Variants in MEI4 observed in about 807,000 individuals in gnomAD.
MEI4 encodes meiotic double-stranded break formation protein 4, also known as meiosis-specific protein MEI4.
In MEI4, 27 loss-of-function variants were observed where a neutral mutation model predicts 31.4. That is an observed-to-expected ratio of 0.86 (90% CI 0.63 to 1.19). The LOEUF (loss-of-function observed/expected upper bound fraction) is 1.19, where lower values mean the gene tolerates loss of function less well. Among genes scored for constraint, MEI4 ranks in the 50% most tolerant of loss-of-function variants. The probability of loss-of-function intolerance (pLI) is 0.00; values close to 1 mark genes in which losing one functional copy is unlikely to be tolerated. For missense variants in MEI4, 329 were observed against 398.9 expected (o/e 0.82, Z 1.49); for synonymous variants, 122 against 145.4 (o/e 0.84, Z 1.16).
chr6:77,907,616 A>G (rs1195344654), intron 4 of MEI4, among the ~76,000 whole-genome samples: 5 of 152,248 alleles, frequency 3.3e-5, no homozygotes, highest in Admixed American at 6.5e-5. Flanking sequence ...ATGTGTCCTT[A>G]TAGCAGCATG....
rs1379992463 is a variant in MEI4, at chr6:77,734,738, T to G, written c.233-26392T>G. On this transcript the variant is annotated intron_variant, in intron 2 of 4. Coordinates refer to ENST00000684080, the MANE Select transcript of MEI4 (RefSeq NM_001322247.2). ...CAGTTTCTTCCTAGTCTCGATGGTC[T>G]TTACCTTTTGGCATGATTTTGCAGT... 2.0e-5 allele frequency among the ~76,000 whole-genome samples: 3 copies of G among 152,106 alleles called. No individual in the cohort carries two copies. The East Asian group carries it at 5.8e-4, about 29-fold the overall frequency.
chr6:77,868,868 G>A (rs1214528815), intron 4 of MEI4, among the ~76,000 whole-genome samples: 1 of 151,994 alleles, frequency 6.6e-6, no homozygotes, highest in Non-Finnish European at 1.5e-5. Flanking sequence ...GTGCCCAAGT[G>A]CAGCACAGCC....
At chr6:77,876,974 C>T (rs1446349843) in intron 4 of MEI4, among the ~76,000 whole-genome samples, 1 of 152,008 alleles carries the variant, frequency 6.6e-6, no homozygotes, top group East Asian at 1.9e-4. Flanking sequence ...TAGGTTCATG[C>T]CCATTAATAC....
At chr6:77,880,350 C>A (rs957399790) in intron 4 of MEI4, among the ~76,000 whole-genome samples, 1 of 151,988 alleles carries the variant, frequency 6.6e-6, no homozygotes, top group Non-Finnish European at 1.5e-5. Context: ...CCTGCCTCAG[C>A]CTCCTGCGTA....
At chr6:77,745,692 T>G (rs1248039545) in intron 2 of MEI4, among the ~76,000 whole-genome samples, 2 of 152,058 alleles carry the variant, frequency 1.3e-5, no homozygotes, top group African/African-American at 4.8e-5. Flanking sequence ...ACACCACACC[T>G]ATTCCAAAAT....
intron 2 of MEI4, among the ~76,000 whole-genome samples, chr6:77,746,531 A>G (rs1179692596): frequency 1.3e-5 from 2 of 152,110 alleles, no homozygotes; most frequent in East Asian, 1.9e-4. Flanking sequence ...TTGGACTACA[A>G]CTTACAGTAT....
chr6:77,854,349 C>A (rs1200216472), intron 4 of MEI4, among the ~76,000 whole-genome samples: 1 of 150,352 alleles, frequency 6.7e-6, no homozygotes, highest in African/African-American at 2.4e-5. Context: ...AAACCAAAAC[C>A]TGAAGTGAAT....
chr6:77,700,448 G>A (rs1021825197), intron 2 of MEI4, among the ~76,000 whole-genome samples: 2 of 152,162 alleles, frequency 1.3e-5, no homozygotes, highest in African/African-American at 4.8e-5. Flanking sequence ...TTGGAAAAGC[G>A]CAGTATTTGG....
rs565103465 is a variant in MEI4, at chr6:77,878,619, A to G, written c.901-44470A>G. Among the ~76,000 whole-genome samples, 24 of 146,844 alleles carry G rather than the reference A, an allele frequency of 1.6e-4. No homozygotes were observed. The South Asian group carries it at 3.0e-3, about 19-fold the overall frequency. On this transcript the variant is annotated intron_variant, in intron 4 of 4. Coordinates refer to ENST00000684080, the MANE Select transcript of MEI4 (RefSeq NM_001322247.2). Reference sequence around the variant, plus strand: ...TGTTTTCATTTCAAATGACCTGTAGATATTTGTTCAGAGGTTTGCTGTTGT... The same window carrying G: ...TGTTTTCATTTCAAATGACCTGTAGGTATTTGTTCAGAGGTTTGCTGTTGT...
Position 77,666,685 on chromosome 6 carries a change from G to A in MEI4, c.-15+13593G>A, listed in dbSNP as rs73457415. ...GTCAAGTTCTCCTGCTCTTCTAGCC[G>A]TTATGTTAGTCTTGCTTCTTTACGA... is the stretch of plus-strand genomic sequence containing the variant. On this transcript the variant is annotated intron_variant, in intron 1 of 4. Transcript: ENST00000684080. Among the ~76,000 whole-genome samples, 931 of 152,232 alleles carry A rather than the reference G, an allele frequency of 6.1e-3. 11 individuals are homozygous for A. The highest frequency in any genetic ancestry group is 0.021 in the African/African-American group (884 of 41,524).
chr6:77,757,055 T>C (rs969660660), intron 2 of MEI4, among the ~76,000 whole-genome samples: 1 of 152,184 alleles, frequency 6.6e-6, no homozygotes, highest in African/African-American at 2.4e-5. Context: ...TGATTGGACT[T>C]GGAATGTAAT....
intron 4 of MEI4, among the ~76,000 whole-genome samples, chr6:77,855,373 A>G (rs906502931): frequency 6.6e-6 from 1 of 152,162 alleles, no homozygotes; most frequent in African/African-American, 2.4e-5. Flanking sequence ...ACTGCATTTA[A>G]ACATTACAAA....
At chr6:77,869,705 C>T (rs1771147072) in intron 4 of MEI4, among the ~76,000 whole-genome samples, 1 of 152,044 alleles carries the variant, frequency 6.6e-6, no homozygotes, top group African/African-American at 2.4e-5. Context: ...TAGGATGGAC[C>T]TCTCTGTTGG....
At position 77,824,610 on chromosome 6, in the gene MEI4, TTA is replaced by T. The variant is rs143331472; in HGVS notation, c.769-4319_769-4318del. ...CTTGCTGTTTTATCCTGTAAGTTCT[TTA>T]TGTTTTACTTTATAAGCACCAAATA... On this transcript the variant is annotated intron_variant, in intron 3 of 4. Coordinates refer to ENST00000684080, the MANE Select transcript of MEI4 (RefSeq NM_001322247.2). Among the ~76,000 whole-genome samples the T allele has an allele frequency of 7.8e-3, 1,188 of 151,608 alleles. 18 individuals carry two copies. Among genetic ancestry groups the T allele is most frequent in the African/African-American group, 0.028 (1,136 of 41,282 alleles).
At chr6:77,803,963 G>C (rs147841154) in intron 3 of MEI4, among the ~76,000 whole-genome samples, 1 of 152,166 alleles carries the variant, frequency 6.6e-6, no homozygotes, top group East Asian at 1.9e-4. Context: ...CAGATCTCCA[G>C]TTGCGTGCTG....
At chr6:77,796,952 A>G (rs939156032) in intron 3 of MEI4, among the ~76,000 whole-genome samples, 10 of 152,212 alleles carry the variant, frequency 6.6e-5, no homozygotes, top group Non-Finnish European at 1.3e-4. Flanking sequence ...ATAAAAAGTG[A>G]TAGTAATATA....
At chr6:77,747,344 G>C (rs975841490) in intron 2 of MEI4, among the ~76,000 whole-genome samples, 1 of 152,036 alleles carries the variant, frequency 6.6e-6, no homozygotes, top group African/African-American at 2.4e-5. Context: ...AGAAAGGACT[G>C]CCTGGAGACT....
chr6:77,856,219 C>G (rs1246526788), intron 4 of MEI4, among the ~76,000 whole-genome samples: 1 of 152,198 alleles, frequency 6.6e-6, no homozygotes, highest in East Asian at 1.9e-4. Flanking sequence ...TCAGCCTCAT[C>G]TCCCACAGTG....
At chr6:77,854,997 G>A (rs567030925) in intron 4 of MEI4, among the ~76,000 whole-genome samples, 8 of 151,022 alleles carry the variant, frequency 5.3e-5, no homozygotes, top group East Asian at 2.0e-4. Context: ...GGAGGGGGGC[G>A]GTTAGCCCTT....
Sources: gnomAD v4.1 joint callset for allele counts (sites outside exome capture counted in the v4.1 genomes callset) on GRCh38, gnomAD v4.1.1 for gene constraint, MANE v1.5 for transcripts, NCBI Gene and HGNC (gene_info 2026-07-23, HGNC 2026-07-21) for gene names.